MEIKIN: variants seen among roughly 807,000 people sequenced by gnomAD.
The protein encoded by MEIKIN is meiosis-specific kinetochore protein.
At chr5:131,920,525 A>T (rs1387284546) in intron 6 of MEIKIN, among the ~76,000 whole-genome samples, 9 of 152,192 alleles carry the variant, frequency 5.9e-5, no homozygotes, top group Non-Finnish European at 1.3e-4. Flanking sequence ...AATTGGAGAA[A>T]TTCAGCAGAT....
At chr5:131,938,705 A>G (rs1751823970) in intron 4 of MEIKIN, among the ~76,000 whole-genome samples, 4 of 152,108 alleles carry the variant, frequency 2.6e-5, no homozygotes, top group Admixed American at 2.6e-4. Context: ...TGTTTCATGG[A>G]CATAACATTT....
chr5:131,817,437 C>T (rs1773122005), intron 12 of MEIKIN, among the ~76,000 whole-genome samples: 1 of 151,910 alleles, frequency 6.6e-6, no homozygotes, highest in African/African-American at 2.4e-5. Flanking sequence ...CGATGAAACC[C>T]CATCTCTACT....
intron 5 of MEIKIN, among the ~76,000 whole-genome samples, chr5:131,930,573 T>C (rs1296009174): frequency 6.6e-6 from 1 of 152,218 alleles, no homozygotes; most frequent in African/African-American, 2.4e-5. Context: ...AGCTCACTAA[T>C]TCTTTATTCT....
In MEIKIN at chr5:131,939,879, A is replaced by C. The variant is rs189830189; in HGVS notation, c.349+2756T>G. On this transcript the variant is annotated intron_variant, in intron 4 of 12. Transcript: ENST00000442687. ...CATATATTTAAACTATGATTTTAGA[A>C]AATGCTGATTATGATTAAATGGTAT... 3.0e-3 allele frequency among the ~76,000 whole-genome samples: 463 copies of C among 152,328 alleles called. 2 individuals are homozygous for C. The highest frequency in any genetic ancestry group is 0.01 in the African/African-American group (431 of 41,578).
At chr5:131,855,096 T>A (rs936085191) in intron 9 of MEIKIN, among the ~76,000 whole-genome samples, 18 of 152,330 alleles carry the variant, frequency 1.2e-4, no homozygotes, top group Non-Finnish European at 2.1e-4. Context: ...AATACCTTGG[T>A]TGAAATTACT....
chr5:131,856,097 A>C (rs146055811), intron 9 of MEIKIN, among the ~76,000 whole-genome samples: 274 of 152,344 alleles, frequency 1.8e-3, no homozygotes, highest in African/African-American at 6.1e-3. Flanking sequence ...ATAGTTTATT[A>C]GGAAAATTTT....
chr5:131,812,011 A>T (rs1027464935), intron 12 of MEIKIN, among the ~76,000 whole-genome samples: 2 of 152,196 alleles, frequency 1.3e-5, no homozygotes, highest in African/African-American at 4.8e-5. Flanking sequence ...AGGAAACACA[A>T]CATTATCGGC....
At chr5:131,874,466 T>C (rs1342156024) in intron 9 of MEIKIN, among the ~76,000 whole-genome samples, 10 of 152,226 alleles carry the variant, frequency 6.6e-5, no homozygotes, top group Non-Finnish European at 1.2e-4. Flanking sequence ...AATCTCTGAA[T>C]AGACGAATAA....
chr5:131,859,334 G>A lies in MEIKIN; in HGVS notation c.775-4500C>T, dbSNP rs955510875. Reference sequence around the variant, plus strand: ...CAGTGATGATGTAGTGTGAATATGTGTTCCCATCCAAATCTCATGTTGAAT... The same window carrying A: ...CAGTGATGATGTAGTGTGAATATGTATTCCCATCCAAATCTCATGTTGAAT... On this transcript the variant is annotated intron_variant, in intron 9 of 12. Transcript: ENST00000442687. Among the ~76,000 whole-genome samples the A allele has an allele frequency of 4.6e-5, 7 of 152,294 alleles. No homozygotes were observed. In the East Asian group the frequency reaches 1.4e-3, roughly 29 times the overall value.
At chr5:131,882,360 T>C (rs1317828394) in intron 8 of MEIKIN, among the ~76,000 whole-genome samples, 3 of 152,198 alleles carry the variant, frequency 2.0e-5, no homozygotes, top group Admixed American at 6.6e-5. Flanking sequence ...CCCAGACACA[T>C]AGAACTCAAG....
chr5:131,898,716 A>G (rs1399997412), intron 8 of MEIKIN, among the ~76,000 whole-genome samples: 1 of 152,222 alleles, frequency 6.6e-6, no homozygotes, highest in Non-Finnish European at 1.5e-5. Context: ...CTCCGTGGGC[A>G]TGGGACCCCG....
At chr5:131,889,728 A>G (rs1231413191) in intron 8 of MEIKIN, among the ~76,000 whole-genome samples, 1 of 152,088 alleles carries the variant, frequency 6.6e-6, no homozygotes, top group Non-Finnish European at 1.5e-5. Context: ...GATGGCCCTG[A>G]CCAGAACTTC....
intron 9 of MEIKIN, among the ~76,000 whole-genome samples, chr5:131,860,135 C>T (rs150044352): frequency 6.6e-6 from 1 of 152,066 alleles, no homozygotes; most frequent in African/African-American, 2.4e-5. Flanking sequence ...CTATAGATTG[C>T]TTTAGGTAGT....
chr5:131,877,120 A>C (rs1004113789), intron 9 of MEIKIN, among the ~76,000 whole-genome samples: 5 of 152,156 alleles, frequency 3.3e-5, no homozygotes, highest in African/African-American at 1.2e-4. Context: ...CACATTGTGC[A>C]CATGTACCTA....
chr5:131,840,800 C>T (rs115242880), intron 11 of MEIKIN, among the ~76,000 whole-genome samples: 1,934 of 152,252 alleles, frequency 0.013, 22 homozygotes, highest in South Asian at 0.021. Flanking sequence ...TGTACTCCTG[C>T]ATCTCAATTG....
At chr5:131,942,737 T>C (rs1394788238) in intron 3 of MEIKIN, 42 bp from the exon 4 acceptor site, 1 of 397,420 alleles carries the variant, frequency 2.5e-6, no homozygotes, top group African/African-American at 2.1e-5. Context: ...AATTATGAGA[T>C]TGACCATTTC....
At chr5:131,880,264 A>ATTTTTTTTT (rs67579794) in intron 8 of MEIKIN, among the ~76,000 whole-genome samples, 2 of 138,328 alleles carry the variant, frequency 1.4e-5, no homozygotes, top group Non-Finnish European at 3.1e-5. Flanking sequence ...TAATTTTTGT[A>ATTTTTTTTT]TTTTTTTTTT....
intron 8 of MEIKIN, among the ~76,000 whole-genome samples, chr5:131,901,819 C>T (rs1230326951): frequency 6.6e-6 from 1 of 151,996 alleles, no homozygotes; most frequent in Non-Finnish European, 1.5e-5. Flanking sequence ...GGATATCAAA[C>T]AGGGCAAAAG....
intron 11 of MEIKIN, among the ~76,000 whole-genome samples, chr5:131,839,767 G>A (rs567151844): frequency 6.6e-6 from 1 of 152,130 alleles, no homozygotes; most frequent in Non-Finnish European, 1.5e-5. Context: ...GGGTCTCTTG[G>A]AGACAGCATA....
Sources: allele counts gnomAD v4.1 joint callset (sites outside exome capture counted in the v4.1 genomes callset), GRCh38; gene constraint gnomAD v4.1.1; transcripts MANE v1.5; gene names NCBI Gene and HGNC (gene_info 2026-07-23, HGNC 2026-07-21).